Variants in DPP6 observed in about 807,000 individuals in gnomAD.
DPP6 encodes the protein dipeptidyl peptidase like 6.
DPP6 carries 69 observed loss-of-function variants against 122.6 expected under a neutral mutation model. The ratio of observed to expected loss-of-function variants is 0.56; its 90% CI spans 0.46 to 0.69. DPP6 has a LOEUF of 0.69. Ranked by LOEUF, DPP6 falls within the 30% of genes least tolerant of loss-of-function variation. The probability of loss-of-function intolerance (pLI) is 0.00; values close to 1 mark genes in which losing one functional copy is unlikely to be tolerated. For synonymous variants in DPP6, 418 were observed against 433.1 expected (o/e 0.97, Z 0.43); for missense variants, 928 against 1,116.9 (o/e 0.83, Z 2.41).
At chr7:153,956,205 G>A (rs369892600) in intron 1 of DPP6, among the ~76,000 whole-genome samples, 1 of 152,158 alleles carries the variant, frequency 6.6e-6, no homozygotes, top group Non-Finnish European at 1.5e-5. Flanking sequence ...GTGGGCAGGT[G>A]GGGGCTGGTC....
chr7:154,266,641 G>A (rs1429874660), intron 1 of DPP6, among the ~76,000 whole-genome samples: 1 of 152,140 alleles, frequency 6.6e-6, no homozygotes, highest in African/African-American at 2.4e-5. Context: ...GTTTTTGACT[G>A]AAATTCATTG....
intron 5 of DPP6, among the ~76,000 whole-genome samples, chr7:154,595,996 G>C (rs911529686): frequency 6.6e-6 from 1 of 151,968 alleles, no homozygotes; most frequent in Non-Finnish European, 1.5e-5. Flanking sequence ...AGGAGGCAGA[G>C]GTTACAGTGA....
chr7:154,476,228 G>A (rs1462684991), intron 3 of DPP6, among the ~76,000 whole-genome samples: 1 of 152,182 alleles, frequency 6.6e-6, no homozygotes, highest in Non-Finnish European at 1.5e-5. Context: ...ATCTCAGAGG[G>A]AATGTATTTT....
At chr7:154,056,121 T>C (rs1800805482) in intron 1 of DPP6, among the ~76,000 whole-genome samples, 1 of 152,164 alleles carries the variant, frequency 6.6e-6, no homozygotes, top group African/African-American at 2.4e-5. Flanking sequence ...ATGCACAAAC[T>C]ACACAGGCAA....
intron 1 of DPP6, among the ~76,000 whole-genome samples, chr7:153,998,883 T>C (rs895688363): frequency 1.1e-4 from 17 of 152,354 alleles, no homozygotes; most frequent in South Asian, 6.2e-4. Context: ...TGGAATCCCA[T>C]TGATAGAGAG....
chr7:154,575,198 T>G (rs1246980993), intron 5 of DPP6, among the ~76,000 whole-genome samples: 2 of 125,470 alleles, frequency 1.6e-5, no homozygotes, highest in East Asian at 2.7e-4. Flanking sequence ...GTGGTGTGTG[T>G]GGTGTCTGTG....
chr7:153,891,699 T>G (rs939853644), intron 1 of DPP6, among the ~76,000 whole-genome samples: 1 of 152,218 alleles, frequency 6.6e-6, no homozygotes, highest in Non-Finnish European at 1.5e-5. Context: ...TGAGCTTTTT[T>G]CAGACATTGA....
chr7:154,788,425 C>T (rs930986287), intron 10 of DPP6, among the ~76,000 whole-genome samples: 1 of 146,834 alleles, frequency 6.8e-6, no homozygotes, highest in Admixed American at 6.8e-5. Context: ...GCCTGGGTGA[C>T]AGAGTGAGAC....
At chr7:154,562,604 G>A (rs1830491018) in intron 4 of DPP6, among the ~76,000 whole-genome samples, 1 of 151,966 alleles carries the variant, frequency 6.6e-6, no homozygotes, top group Admixed American at 6.6e-5. Flanking sequence ...AGTGCAATAA[G>A]GCAACCAAAA....
intron 4 of DPP6, among the ~76,000 whole-genome samples, chr7:154,553,240 A>G (rs1829763658): frequency 6.6e-6 from 1 of 152,228 alleles, no homozygotes; most frequent in Non-Finnish European, 1.5e-5. Context: ...ACATCACAGG[A>G]GTAGAATTGA....
intron 4 of DPP6, among the ~76,000 whole-genome samples, chr7:154,554,579 T>C (rs1216043696): frequency 6.6e-6 from 1 of 152,216 alleles, no homozygotes; most frequent in African/African-American, 2.4e-5. Context: ...TAGTTAGATA[T>C]GTATCTCCTC....
intron 1 of DPP6, among the ~76,000 whole-genome samples, chr7:154,409,037 G>A (rs545537594): frequency 4.6e-5 from 7 of 152,142 alleles, no homozygotes; most frequent in Middle Eastern, 3.4e-3. Flanking sequence ...CCAGCTGCTC[G>A]GAAGGCTGAG....
At chr7:153,921,663 A>T (rs1055649003) in intron 1 of DPP6, among the ~76,000 whole-genome samples, 1 of 152,230 alleles carries the variant, frequency 6.6e-6, no homozygotes, top group African/African-American at 2.4e-5. Context: ...AGCTCTGCAC[A>T]CAGTGAGTAA....
intron 1 of DPP6, among the ~76,000 whole-genome samples, chr7:154,193,461 AT>A (rs1798712256): frequency 6.6e-6 from 1 of 152,176 alleles, no homozygotes; most frequent in African/African-American, 2.4e-5. Flanking sequence ...GAAGCCTGGA[AT>A]GATGGATTAC....
chr7:154,303,323 C>T (rs77244998), intron 1 of DPP6, among the ~76,000 whole-genome samples: 6,518 of 152,166 alleles, frequency 0.043, 186 homozygotes, highest in African/African-American at 0.072. Flanking sequence ...GAGTGACTGC[C>T]CACCTGGCTA....
At position 154,605,098 on chromosome 7, in the gene DPP6, T is replaced by C. The variant is rs1483481050; in HGVS notation, c.628-32723T>C. The stretch of plus-strand genomic sequence containing the variant: ...ATTTTCATATTTTGAATTATAAATA[T>C]GCACTGTGTTTTCAAAGAATTTATT... On this transcript the variant is annotated intron_variant, in intron 5 of 25. Transcript: ENST00000377770. 5.0e-5 allele frequency among the ~76,000 whole-genome samples: 6 copies of C among 119,586 alleles called. 2 individuals are homozygous for C. 78.5% of individuals were successfully genotyped at this position (119,586 alleles called of 152,430 possible).
intron 5 of DPP6, among the ~76,000 whole-genome samples, chr7:154,608,829 C>T (rs1047621504): frequency 6.6e-6 from 1 of 152,172 alleles, no homozygotes; most frequent in Non-Finnish European, 1.5e-5. Context: ...CCCCTCCCTT[C>T]TGAATTTGGT....
At chr7:153,996,126 G>A (rs1797421957) in intron 1 of DPP6, among the ~76,000 whole-genome samples, 1 of 152,116 alleles carries the variant, frequency 6.6e-6, no homozygotes, top group South Asian at 2.1e-4. Context: ...GGTGGCACTG[G>A]AGACTGCAGC....
At chr7:154,470,559 T>A (rs1822173047) in intron 2 of DPP6, among the ~76,000 whole-genome samples, 1 of 152,078 alleles carries the variant, frequency 6.6e-6, no homozygotes, top group Non-Finnish European at 1.5e-5. Flanking sequence ...AGAGAAGGAG[T>A]TCCAAATGGT....
Sources: gnomAD v4.1 joint callset for allele counts (sites outside exome capture counted in the v4.1 genomes callset) on GRCh38, gnomAD v4.1.1 for gene constraint, MANE v1.5 for transcripts, NCBI Gene and HGNC (gene_info 2026-07-23, HGNC 2026-07-21) for gene names.